RUBCNL: variants seen among roughly 807,000 people sequenced by gnomAD.
The protein encoded by RUBCNL is protein associated with UVRAG as autophagy enhancer.
Under a neutral mutation model 69.5 loss-of-function variants are expected in RUBCNL, and 62 were observed. The ratio of observed to expected loss-of-function variants is 0.89; its 90% CI spans 0.73 to 1.10. RUBCNL has a LOEUF of 1.10. Ranked by LOEUF, RUBCNL falls within the 50% of genes least tolerant of loss-of-function variation. The pLI is 0.00. For synonymous variants in RUBCNL, 291 were observed against 303.6 expected (o/e 0.96, Z 0.43); for missense variants, 768 against 798.1 (o/e 0.96, Z 0.45).
chr13:46,350,271 T>C lies in RUBCNL; in HGVS notation c.1411A>G (p.Ile471Val), dbSNP rs754872901. The C allele has an allele frequency of 1.3e-6, 2 of 1,587,334 alleles. No homozygotes were observed. Among genetic ancestry groups the C allele is most frequent in the Admixed American group, 1.8e-5 (1 of 55,676 alleles). ...DCCHSYAESC[I>V]PARILMMWDF... is the part of the protein sequence containing the mutation. ...CACATCATCAGGATTCGGGCAGGGATGCACGACTCTGCATATGAGTGGCAG... is the reference window on the plus strand; with the variant it reads ...CACATCATCAGGATTCGGGCAGGGACGCACGACTCTGCATATGAGTGGCAG... The change falls in exon 11 of 15, where the codon ATC becomes GTC. Residue 471 changes from isoleucine (I) to valine (V), a missense_variant. Ile to Val is a conservative substitution (Grantham distance 29). Coordinates refer to ENST00000429979, the MANE Select transcript of RUBCNL (RefSeq NM_025113.5).
chr13:46,389,687 A>T (rs1425982337), upstream of RUBCNL: 1 of 152,222 alleles, frequency 6.6e-6, no homozygotes, highest in Non-Finnish European at 1.5e-5. The surrounding 1 kb of genome is among the most constrained non-coding windows in gnomAD (Gnocchi z 4.2). Context: ...GACCTTCTAC[A>T]TCTCGTCACA....
Position 46,361,569 on chromosome 13 carries a change from T to C in RUBCNL, c.991A>G (p.Thr331Ala). 1 of 1,597,490 alleles carries C rather than the reference T, an allele frequency of 6.3e-7. No homozygotes were observed. The highest frequency in any genetic ancestry group is 1.3e-5 in the African/African-American group (1 of 74,816). The change falls in exon 8 of 15, where the codon ACT becomes GCT. Residue 331 changes from threonine to alanine, a missense_variant. By Grantham distance (58) the Thr-to-Ala change is moderately conservative. Coordinates refer to ENST00000429979, the MANE Select transcript of RUBCNL (RefSeq NM_025113.5). Reference protein sequence around the residue: ...SCSCSSSKSVTYEPDFNSAEL... With the variant: ...SCSCSSSKSVAYEPDFNSAEL... Reference sequence around the variant, plus strand: ...GCAGAATTGAAGTCTGGCTCATAAGTGACACTGAAATGTAAGAGATGCAAA... The same window carrying C: ...GCAGAATTGAAGTCTGGCTCATAAGCGACACTGAAATGTAAGAGATGCAAA...
At chr13:46,355,116 G>A (rs1358975921) in intron 10 of RUBCNL, among the ~76,000 whole-genome samples, 1 of 152,124 alleles carries the variant, frequency 6.6e-6, no homozygotes, top group Non-Finnish European at 1.5e-5. Flanking sequence ...TCTTGAAGTA[G>A]GAGCTCCTCA....
intron 7 of RUBCNL, 108 bp from the exon 8 acceptor site, chr13:46,361,681 G>T: frequency 8.8e-7 from 1 of 1,132,438 alleles, no homozygotes; most frequent in Non-Finnish European, 1.3e-6. Context: ...ACTCAGAAGA[G>T]GCTGTCATAT....
At chr13:46,382,118 A>T (rs1445501305) in intron 1 of RUBCNL, among the ~76,000 whole-genome samples, 1 of 152,082 alleles carries the variant, frequency 6.6e-6, no homozygotes, top group Non-Finnish European at 1.5e-5. Context: ...TACACTTTAA[A>T]TCAGTGAAGC....
At chr13:46,385,666 C>CA (rs5803337) in intron 1 of RUBCNL, among the ~76,000 whole-genome samples, 50,797 of 118,806 alleles carry the variant, frequency 0.43, 9,192 homozygotes, top group East Asian at 0.62. Flanking sequence ...AAAGATCATG[C>CA]AAAAAAAAAA....
intron 5 of RUBCNL, among the ~76,000 whole-genome samples, chr13:46,364,282 A>G (rs371087322): frequency 9.2e-5 from 14 of 152,266 alleles, no homozygotes; most frequent in South Asian, 6.2e-4. Flanking sequence ...CTGTAGTCCC[A>G]GCTACTTGGG....
At chr13:46,347,995 A>G (rs540819723) in intron 12 of RUBCNL, among the ~76,000 whole-genome samples, 6 of 152,238 alleles carry the variant, frequency 3.9e-5, no homozygotes, top group Middle Eastern at 3.2e-3. Flanking sequence ...TCCGTCTCAA[A>G]AAAAAAGAAG....
intron 1 of RUBCNL, among the ~76,000 whole-genome samples, chr13:46,379,861 T>G (rs557016217): frequency 4.6e-5 from 7 of 152,344 alleles, no homozygotes; most frequent in Admixed American, 4.6e-4. Flanking sequence ...GCTTTGACGT[T>G]AGGCAAAGAT....
chr13:46,358,153 G>A (rs367779201), intron 9 of RUBCNL, among the ~76,000 whole-genome samples: 3 of 152,158 alleles, frequency 2.0e-5, no homozygotes, highest in East Asian at 3.9e-4. Context: ...TAGACAGGGA[G>A]TTCTGCCCAA....
Position 46,338,948 on chromosome 13 carries a change from G to A in RUBCNL, c.*4437C>T, listed in dbSNP as rs751180485. Among the ~76,000 whole-genome samples the A allele has an allele frequency of 9.2e-5, 14 of 151,790 alleles. No homozygotes were observed. The highest frequency in any genetic ancestry group is 1.9e-4 in the Non-Finnish European group (13 of 67,992). On this transcript the variant is annotated 3_prime_UTR_variant, in exon 15 of 15. Transcript: ENST00000429979. ...TGTGGTCCCAGCTACTAGGGAAGCT[G>A]AGGCAGGAAAATCGCTTGAACCGGG...
chr13:46,381,360 CAA>C (rs1301114956), intron 1 of RUBCNL, among the ~76,000 whole-genome samples: 1 of 151,822 alleles, frequency 6.6e-6, no homozygotes, highest in East Asian at 1.9e-4. Flanking sequence ...AAGCCAGAAA[CAA>C]AAGACATTTC....
At chr13:46,354,796 T>C (rs1226135433) in intron 10 of RUBCNL, 1 of 456,722 alleles carries the variant, frequency 2.2e-6, no homozygotes. Flanking sequence ...TAAAAGATGA[T>C]AAGCAAGCTC....
chr13:46,387,761 G>C (rs1264343252), upstream of RUBCNL: 7 of 985,550 alleles, frequency 7.1e-6, no homozygotes, highest in Non-Finnish European at 6.0e-6. Context: ...TTCACTGTCC[G>C]CGTTAGTTTA....
At chr13:46,348,606 A>AT (rs386379048) in intron 12 of RUBCNL, among the ~76,000 whole-genome samples, 2,171 of 138,800 alleles carry the variant, frequency 0.016, 47 homozygotes, top group African/African-American at 0.042. Context: ...ACGAGATTTG[A>AT]TTTTTTTTTT....
In RUBCNL at chr13:46,356,421, T is replaced by A. The variant is rs2048486078; in HGVS notation, c.1330+11A>T. The A allele has an allele frequency of 6.2e-7, 1 of 1,613,110 alleles. No individual in the cohort carries two copies. The highest frequency in any genetic ancestry group is 8.5e-7 in the Non-Finnish European group (1 of 1,179,644). On this transcript the variant is annotated intron_variant, in intron 10 of 14. Transcript: ENST00000429979. Reference sequence around the variant, plus strand: ...CACATCATAAGCAGGCGATCCATTATCCGTACTTACTAGGCTCTACTGGAG... The same window carrying A: ...CACATCATAAGCAGGCGATCCATTAACCGTACTTACTAGGCTCTACTGGAG...
intron 14 of RUBCNL, among the ~76,000 whole-genome samples, chr13:46,344,297 C>A (rs1245954651): frequency 1.3e-5 from 2 of 152,194 alleles, no homozygotes; most frequent in African/African-American, 4.8e-5. Context: ...ACTAATACCA[C>A]AGAAGGGTCG....
chr13:46,357,874 G>A (rs1036239159), intron 9 of RUBCNL, among the ~76,000 whole-genome samples: 6 of 152,114 alleles, frequency 3.9e-5, no homozygotes, highest in South Asian at 2.1e-4. Context: ...AGGTGATCCC[G>A]CCCACCTCGG....
At chr13:46,348,753 A>G (rs1311775114) in intron 12 of RUBCNL, among the ~76,000 whole-genome samples, 1 of 151,956 alleles carries the variant, frequency 6.6e-6, no homozygotes, top group Admixed American at 6.6e-5. Context: ...ACAGGCATGC[A>G]GCACCACGCC....
Sources: allele counts gnomAD v4.1 joint callset (sites outside exome capture counted in the v4.1 genomes callset), GRCh38; gene constraint gnomAD v4.1.1; non-coding constraint Gnocchi (gnomAD v3.1); transcripts MANE v1.5; gene names NCBI Gene and HGNC (gene_info 2026-07-23, HGNC 2026-07-21).